Variants in PTPRR observed in about 807,000 individuals in gnomAD.
PTPRR encodes the protein receptor-type tyrosine-protein phosphatase R.
A neutral mutation model predicts 77.2 loss-of-function variants in PTPRR; 38 were observed. The ratio of observed to expected loss-of-function variants is 0.49; its 90% CI spans 0.38 to 0.65. PTPRR has a LOEUF of 0.65. PTPRR is among the 30% of genes least tolerant of loss of function. The pLI, the probability that PTPRR is intolerant of heterozygous loss-of-function variation, is 0.00. For synonymous variants in PTPRR, 299 were observed against 283.1 expected (o/e 1.06, Z -0.57); for missense variants, 744 against 799.2 (o/e 0.93, Z 0.83).
intron 2 of PTPRR, among the ~76,000 whole-genome samples, chr12:70,854,447 C>G (rs1247403829): frequency 1.3e-5 from 2 of 152,232 alleles, no homozygotes; most frequent in Admixed American, 6.5e-5. Context: ...GTAGGCACAT[C>G]TTCATAAGGC....
intron 2 of PTPRR, among the ~76,000 whole-genome samples, chr12:70,831,671 G>A: frequency 6.6e-6 from 1 of 152,184 alleles, no homozygotes; most frequent in East Asian, 1.9e-4. Context: ...AAGCACATGA[G>A]GACAGATGGC....
chr12:70,701,249 G>A lies in PTPRR; in HGVS notation c.1082C>T (p.Thr361Ile), dbSNP rs1314473007. ...CTCCATTGCTACCTTCTCCCGTGGT[G>A]TTGGTATAGACACAAAGGGTTCAAT... ...GNIEPFVSIPTPREKVAMEYL... is the reference protein window; with the variant it reads ...GNIEPFVSIPIPREKVAMEYL... Residue 361 changes from threonine to isoleucine, a missense_variant, in exon 7 of 14, where the codon ACA (threonine) becomes ATA (isoleucine). Physicochemically the swap from Thr to Ile is moderately conservative, Grantham distance 89. Transcript: ENST00000283228. 2 of 1,613,954 alleles carry A rather than the reference G, an allele frequency of 1.2e-6. No homozygotes were observed. Among genetic ancestry groups the A allele is most frequent in the Non-Finnish European group, 8.5e-7 (1 of 1,179,924 alleles).
intron 3 of PTPRR, among the ~76,000 whole-genome samples, chr12:70,764,007 AC>A (rs1212878925): frequency 5.2e-5 from 7 of 133,452 alleles, no homozygotes; most frequent in Admixed American, 3.7e-4. Context: ...CTTTGGGTTT[AC>A]TTTTTTTTTT....
chr12:70,702,979 T>G (rs547595729), intron 6 of PTPRR, among the ~76,000 whole-genome samples: 1 of 152,058 alleles, frequency 6.6e-6, no homozygotes, highest in Non-Finnish European at 1.5e-5. Context: ...ATCACCTTAT[T>G]TATTATACCA....
Position 70,920,238 on chromosome 12 carries a change from C to T in PTPRR, c.58+95G>A, listed in dbSNP as rs1220606871. ...GTCCTGTTTTACCTTTTTAGAAAGG[C>T]TTTCTTCGCAAGGCAAGCTTTTCCT... On this transcript the variant is annotated intron_variant, in intron 1 of 13. Transcript: ENST00000283228. 2.2e-6 allele frequency: 3 copies of T among 1,363,996 alleles called. No homozygotes were observed. In the African/African-American group the frequency reaches 4.4e-5, roughly 20 times the overall value. The allele number at this position is 1,363,996 out of a possible 1,614,324, so 84.5% of individuals were successfully genotyped here.
At chr12:70,695,160 A>G (rs1888189390) in intron 8 of PTPRR, among the ~76,000 whole-genome samples, 1 of 152,162 alleles carries the variant, frequency 6.6e-6, no homozygotes, top group Non-Finnish European at 1.5e-5. Flanking sequence ...GCATTCTCAG[A>G]ATTGTATAAT....
At chr12:70,834,811 G>C (rs1163587154) in intron 2 of PTPRR, among the ~76,000 whole-genome samples, 1 of 152,022 alleles carries the variant, frequency 6.6e-6, no homozygotes, top group Non-Finnish European at 1.5e-5. Flanking sequence ...TACAGATAAG[G>C]CATCCTGATC....
At chr12:70,769,692 G>C (rs1432332906) in intron 2 of PTPRR, among the ~76,000 whole-genome samples, 1 of 151,628 alleles carries the variant, frequency 6.6e-6, no homozygotes. Flanking sequence ...AAAAGAGCCC[G>C]CATCACCAAG....
At position 70,666,935 on chromosome 12, in the gene PTPRR, G is replaced by GTTTTTTTTTTTTTTTTTTTTTT. The variant is rs142691396; in HGVS notation, c.1498-4352_1498-4331dup. Among the ~76,000 whole-genome samples the GTTTTTTTTTTTTTTTTTTTTTT allele has an allele frequency of 1.0e-4, 3 of 29,050 alleles. 1 individual carries two copies. The highest frequency in any genetic ancestry group is 2.8e-4 in the Non-Finnish European group (3 of 10,902). The allele number at this position is 29,050 out of a possible 152,430, so 19.1% of individuals were successfully genotyped here. ...TTTTTGATTAACTGTGTGTTTTTCT[G>GTTTTTTTTTTTTTTTTTTTTTT]TTTTTTTTTTTTTTTTTTTTTTTTT... On this transcript the variant is annotated intron_variant, in intron 10 of 13. Transcript: ENST00000283228.
intron 1 of PTPRR, among the ~76,000 whole-genome samples, chr12:70,918,177 T>C (rs766670183): frequency 6.6e-6 from 1 of 152,226 alleles, no homozygotes; most frequent in Non-Finnish European, 1.5e-5. Flanking sequence ...CCTAACAATG[T>C]TATTAGATAA....
chr12:70,837,815 C>T (rs760061886), intron 2 of PTPRR, among the ~76,000 whole-genome samples: 1 of 151,978 alleles, frequency 6.6e-6, no homozygotes, highest in Non-Finnish European at 1.5e-5. Flanking sequence ...AAGATTGGGG[C>T]TGAAAGTCCC....
chr12:70,663,467 C>G (rs61930339), intron 10 of PTPRR, among the ~76,000 whole-genome samples: 3,911 of 152,222 alleles, frequency 0.026, 77 homozygotes, highest in South Asian at 0.11. Context: ...GCACTTACAA[C>G]ATGTTATTAT....
chr12:70,721,720 G>A (rs978541588), intron 6 of PTPRR, among the ~76,000 whole-genome samples: 4 of 152,134 alleles, frequency 2.6e-5, no homozygotes, highest in East Asian at 1.9e-4. Flanking sequence ...TTTCTAGCCC[G>A]TTTAATCTTT....
chr12:70,795,242 C>A (rs1891490953), intron 2 of PTPRR, among the ~76,000 whole-genome samples: 1 of 152,112 alleles, frequency 6.6e-6, no homozygotes, highest in Admixed American at 6.5e-5. Context: ...TTGTTACACA[C>A]CCAACTTATA....
intron 12 of PTPRR, among the ~76,000 whole-genome samples, chr12:70,658,883 GTTTTTTTTT>G (rs746595856): frequency 1.9e-4 from 7 of 36,924 alleles, no homozygotes; most frequent in Admixed American, 8.9e-4. Flanking sequence ...TTTTGCTCTA[GTTTTTTTTT>G]TTTTTTTTTT....
chr12:70,870,279 G>A (rs1259532812), intron 2 of PTPRR, among the ~76,000 whole-genome samples: 7 of 151,998 alleles, frequency 4.6e-5, no homozygotes, highest in African/African-American at 1.5e-4. Context: ...TTTGAGTGAC[G>A]GCCTACCTGA....
At chr12:70,847,263 C>G (rs1892501308) in intron 2 of PTPRR, among the ~76,000 whole-genome samples, 1 of 152,166 alleles carries the variant, frequency 6.6e-6, no homozygotes, top group Non-Finnish European at 1.5e-5. Flanking sequence ...AGCACTTTGC[C>G]TGGCTTGGAG....
chr12:70,653,466 C>A (rs191943199), intron 13 of PTPRR, among the ~76,000 whole-genome samples: 1 of 152,070 alleles, frequency 6.6e-6, no homozygotes, highest in African/African-American at 2.4e-5. Flanking sequence ...AAGAGGGAAG[C>A]AGGATTGGGG....
At chr12:70,708,815 A>ACAC (rs1888713527) in intron 6 of PTPRR, among the ~76,000 whole-genome samples, 24 of 88,962 alleles carry the variant, frequency 2.7e-4, no homozygotes, top group Admixed American at 1.0e-3. Flanking sequence ...TACAAATACA[A>ACAC]ACACACACAC....
Sources: allele counts gnomAD v4.1 joint callset (sites outside exome capture counted in the v4.1 genomes callset), GRCh38; gene constraint gnomAD v4.1.1; transcripts MANE v1.5; gene names NCBI Gene and HGNC (gene_info 2026-07-23, HGNC 2026-07-21).